The following PTCHD4 variants were observed in gnomAD, a reference collection of about 807,000 sequenced individuals.
PTCHD4 encodes the protein patched domain-containing protein 4.
In PTCHD4, 33 loss-of-function variants were observed where a neutral mutation model predicts 58.1. The observed-to-expected ratio is 0.57, with a 90% CI of 0.43 to 0.76. The LOEUF is 0.76. PTCHD4 is among the 30% of genes least tolerant of loss of function. The probability of loss-of-function intolerance (pLI) is 0.00; values close to 1 mark genes in which losing one functional copy is unlikely to be tolerated. For missense variants in PTCHD4, 1,058 were observed against 1,027.1 expected (o/e 1.03, Z -0.41); for synonymous variants, 478 against 409.6 (o/e 1.17, Z -2.02).
rs371314018 is a variant in PTCHD4 at position 48,049,255 on chromosome 6, CA to C, written c.417+18974del. Among the ~76,000 whole-genome samples the C allele has an allele frequency of 3.0e-3, 449 of 151,914 alleles. 3 individuals are homozygous for C. Among genetic ancestry groups the C allele is most frequent in the African/African-American group, 9.1e-3 (378 of 41,480 alleles). Reference sequence around the variant, plus strand: ...ATGCTACTAAACATCCCACAATGCACAGGGCAATCTCACAACAAAGAATCAT... The same window carrying C: ...ATGCTACTAAACATCCCACAATGCACGGGCAATCTCACAACAAAGAATCAT... On this transcript the variant is annotated intron_variant, in intron 3 of 4. Coordinates refer to ENST00000339488, the MANE Select transcript of PTCHD4 (RefSeq NM_001384253.1).
At chr6:48,017,943 C>T (rs1056736236) in intron 3 of PTCHD4, among the ~76,000 whole-genome samples, 6 of 152,134 alleles carry the variant, frequency 3.9e-5, no homozygotes, top group South Asian at 2.1e-4. Context: ...GTCTTAAGCT[C>T]CCTGTGTGTC....
At chr6:48,058,729 T>G (rs1343195048) in intron 3 of PTCHD4, among the ~76,000 whole-genome samples, 1 of 152,188 alleles carries the variant, frequency 6.6e-6, no homozygotes, top group Non-Finnish European at 1.5e-5. Context: ...TTGAAAATAC[T>G]TTCAGACCCA....
chr6:48,033,980 C>T (rs1763540592), intron 3 of PTCHD4, among the ~76,000 whole-genome samples: 1 of 152,074 alleles, frequency 6.6e-6, no homozygotes, highest in African/African-American at 2.4e-5. Context: ...CTGTTTGCTT[C>T]TCATGAGCAG....
intron 3 of PTCHD4, among the ~76,000 whole-genome samples, chr6:48,052,332 C>G (rs957627652): frequency 6.6e-6 from 1 of 151,280 alleles, no homozygotes; most frequent in East Asian, 1.9e-4. Flanking sequence ...TCCAAGGTCA[C>G]AGGTAAAGAA....
chr6:47,992,138 A>G (rs532874451), intron 4 of PTCHD4, among the ~76,000 whole-genome samples: 3 of 152,292 alleles, frequency 2.0e-5, no homozygotes, highest in Admixed American at 1.3e-4. Context: ...AACGACAAAT[A>G]TGAACAAAAT....
chr6:47,977,207 C>T (rs1022146738), intron 4 of PTCHD4, among the ~76,000 whole-genome samples: 1 of 152,154 alleles, frequency 6.6e-6, no homozygotes, highest in African/African-American at 2.4e-5. Flanking sequence ...ATGATCCACA[C>T]CTCCTAGTAT....
At position 47,877,513 on chromosome 6, in the gene PTCHD4, T is replaced by A. The variant is rs999906589; in HGVS notation, c.*790A>T. On this transcript the variant is annotated 3_prime_UTR_variant, in exon 5 of 5. Transcript: ENST00000339488. ...CCTTTTGTGTTTTCTTGTGAAGTCA[T>A]CCAAAGCAAAAGTCTAGATGACTGC... Among the ~76,000 whole-genome samples the A allele has an allele frequency of 6.6e-6, 1 of 152,058 alleles. No homozygotes were observed. Among genetic ancestry groups the A allele is most frequent in the Non-Finnish European group, 1.5e-5 (1 of 67,972 alleles).
At chr6:47,893,095 C>T (rs1167897000) in intron 4 of PTCHD4, among the ~76,000 whole-genome samples, 1 of 152,232 alleles carries the variant, frequency 6.6e-6, no homozygotes, top group East Asian at 1.9e-4. Flanking sequence ...ACTGCAACCT[C>T]TGCCTCCCGG....
chr6:48,067,402 T>C (rs1324572098), intron 3 of PTCHD4, among the ~76,000 whole-genome samples: 1 of 152,222 alleles, frequency 6.6e-6, no homozygotes, highest in African/African-American at 2.4e-5. Flanking sequence ...TTGCTCTCAT[T>C]TGGAATTTTT....
intron 4 of PTCHD4, among the ~76,000 whole-genome samples, chr6:47,951,835 A>G (rs2113948349): frequency 6.6e-6 from 1 of 152,202 alleles, no homozygotes; most frequent in South Asian, 2.1e-4. Context: ...AATCTTTAGA[A>G]AGTTTCCCAA....
intron 4 of PTCHD4, among the ~76,000 whole-genome samples, chr6:47,954,182 C>G (rs1390045656): frequency 1.3e-5 from 2 of 152,068 alleles, no homozygotes; most frequent in Non-Finnish European, 2.9e-5. Flanking sequence ...CATACTGAAA[C>G]CCCATCTCTA....
intron 4 of PTCHD4, among the ~76,000 whole-genome samples, chr6:47,973,061 A>C (rs564008075): frequency 1.3e-3 from 192 of 152,252 alleles, no homozygotes; most frequent in African/African-American, 4.4e-3. Context: ...CTTCATGTAC[A>C]CATCACTACA....
chr6:47,985,739 T>G (rs1445919555), intron 4 of PTCHD4, among the ~76,000 whole-genome samples: 2 of 110,250 alleles, frequency 1.8e-5, no homozygotes, highest in African/African-American at 6.6e-5. Context: ...AAGATTTTCA[T>G]TTAAATGCAT....
intron 3 of PTCHD4, among the ~76,000 whole-genome samples, chr6:48,022,479 T>C (rs542757545): frequency 6.6e-6 from 1 of 152,262 alleles, no homozygotes; most frequent in South Asian, 2.1e-4. Context: ...TGTTCCTTAC[T>C]ATAACCAAGA....
rs922019771 is a variant in PTCHD4 at position 48,068,973 on chromosome 6, G to C, written c.-16C>G. 2.0e-5 allele frequency among the ~76,000 whole-genome samples: 3 copies of C among 151,384 alleles called. No homozygotes were observed. Among genetic ancestry groups the C allele is most frequent in the African/African-American group, 4.8e-5 (2 of 41,250 alleles). On this transcript the variant is annotated 5_prime_UTR_variant, in exon 2 of 5. Coordinates refer to ENST00000339488, the MANE Select transcript of PTCHD4 (RefSeq NM_001384253.1). The surrounding 1 kb of genome is among the most constrained non-coding windows in gnomAD (Gnocchi z 4.2). ...CTCACCGCATGAGCAGCGTTCCCTCGGTCTAGCCCTTCATCTCGGTGCTGC... is the reference window on the plus strand; with the variant it reads ...CTCACCGCATGAGCAGCGTTCCCTCCGTCTAGCCCTTCATCTCGGTGCTGC...
chr6:47,956,685 G>C (rs1383197196), intron 4 of PTCHD4, among the ~76,000 whole-genome samples: 1 of 151,990 alleles, frequency 6.6e-6, no homozygotes, highest in Non-Finnish European at 1.5e-5. Context: ...TGCCTGCCTC[G>C]GCCTCCTAAA....
At chr6:48,031,192 C>G (rs567933134) in intron 3 of PTCHD4, among the ~76,000 whole-genome samples, 1 of 152,236 alleles carries the variant, frequency 6.6e-6, no homozygotes, top group South Asian at 2.1e-4. Flanking sequence ...CTAATCACAT[C>G]TGGTTTCTCC....
Position 48,098,013 on chromosome 6 carries a change from A to T in PTCHD4, c.-970+13036T>A, listed in dbSNP as rs141070358. Among the ~76,000 whole-genome samples, 874 of 152,272 alleles carry T rather than the reference A, an allele frequency of 5.7e-3. 8 individuals carry two copies. The highest frequency in any genetic ancestry group is 0.019 in the African/African-American group (793 of 41,558). ...TCTTGATTAGTAGTTGAGTTCCTGT[A>T]CATCACCTACCTGTCAGGTCTCACG... On this transcript the variant is annotated intron_variant, in intron 1 of 4. Transcript: ENST00000339488.
chr6:48,010,462 TATTTAC>T (rs1562005353), intron 3 of PTCHD4, among the ~76,000 whole-genome samples: 1 of 152,216 alleles, frequency 6.6e-6, no homozygotes, highest in Non-Finnish European at 1.5e-5. Flanking sequence ...CACTTGTTTG[TATTTAC>T]ATTTTTAACA....
Sources: allele counts gnomAD v4.1 joint callset (sites outside exome capture counted in the v4.1 genomes callset), GRCh38; gene constraint gnomAD v4.1.1; non-coding constraint Gnocchi (gnomAD v3.1); transcripts MANE v1.5; gene names NCBI Gene and HGNC (gene_info 2026-07-23, HGNC 2026-07-21).